CDON: variants seen among roughly 807,000 people sequenced by gnomAD.
CDON encodes cell adhesion associated, oncogene regulated.
In CDON, 73 loss-of-function variants were observed where a neutral mutation model predicts 120.9. The ratio of observed to expected loss-of-function variants is 0.60; its 90% CI spans 0.50 to 0.73. The LOEUF (loss-of-function observed/expected upper bound fraction) is 0.73. CDON is among the 30% of genes least tolerant of loss of function. CDON has a pLI of 0.00. For missense variants in CDON, 1,470 were observed against 1,587.3 expected, an observed-to-expected ratio of 0.93 and a Z score of 1.26; for synonymous variants, 566 against 573.5, an observed-to-expected ratio of 0.99 and a Z score of 0.19.
intron 16 of CDON, among the ~76,000 whole-genome samples, chr11:125,981,537 T>A (rs1465462567): frequency 6.6e-6 from 1 of 152,196 alleles, no homozygotes; most frequent in Non-Finnish European, 1.5e-5. Context: ...AAAACATTTT[T>A]AAAATGTTCA....
Position 126,010,426 on chromosome 11 carries a change from A to T in CDON, c.1467T>A (p.Ala489=), listed in dbSNP as rs1372680069. 2 of 1,614,164 alleles carry T rather than the reference A, an allele frequency of 1.2e-6. No individual in the cohort carries two copies. Among genetic ancestry groups the T allele is most frequent in the Non-Finnish European group, 1.7e-6 (2 of 1,180,004 alleles). The change falls in exon 8 of 20, where the codon GCT becomes GCA. Residue 489 remains alanine (A), a synonymous_variant. Coordinates refer to ENST00000531738, the MANE Select transcript of CDON (RefSeq NM_001378964.1). The part of the protein sequence containing the change: ...QAGASSLHIQ[A]VTQEHAGKYI... ...ATTTCCCCGCATGTTCCTGAGTCAC[A>T]GCCTGAATATGGAGAGAGCTTGCAC...
At chr11:125,997,453 G>A (rs911738140) in intron 11 of CDON, 43 bp from the exon 12 acceptor site, 1 of 1,375,176 alleles carries the variant, frequency 7.3e-7, no homozygotes, top group African/African-American at 1.4e-5. Flanking sequence ...CCATGTCAGA[G>A]ACAAGAATAA....
chr11:125,962,283 G>A (rs1055671226), intron 18 of CDON, among the ~76,000 whole-genome samples: 1 of 152,188 alleles, frequency 6.6e-6, no homozygotes, highest in Admixed American at 6.5e-5. Context: ...ACTGTCAGAA[G>A]TCATCTACTT....
chr11:126,051,390 G>C (rs892757677), intron 1 of CDON, among the ~76,000 whole-genome samples: 2 of 152,070 alleles, frequency 1.3e-5, no homozygotes, highest in South Asian at 4.1e-4. Flanking sequence ...TTTCAAGGAG[G>C]GTGGAATGCA....
intron 1 of CDON, among the ~76,000 whole-genome samples, chr11:126,035,951 C>G (rs1303690292): frequency 1.3e-5 from 2 of 152,148 alleles, no homozygotes; most frequent in Non-Finnish European, 2.9e-5. Context: ...TCTGCTAGGC[C>G]ACACATGCAC....
intron 7 of CDON, chr11:126,010,976 C>A (rs1309998362): frequency 6.1e-6 from 3 of 488,362 alleles, no homozygotes; most frequent in Non-Finnish European, 1.2e-5. Flanking sequence ...TGAAGGTACA[C>A]TACACATATC....
At chr11:126,053,694 G>A (rs767800495) in intron 1 of CDON, among the ~76,000 whole-genome samples, 1 of 150,044 alleles carries the variant, frequency 6.7e-6, no homozygotes, top group Non-Finnish European at 1.5e-5. Context: ...ATACCATATC[G>A]AGCCACATGG....
intron 8 of CDON, among the ~76,000 whole-genome samples, chr11:126,008,887 TCAC>T (rs1947207672): frequency 1.3e-5 from 2 of 152,244 alleles, no homozygotes; most frequent in African/African-American, 2.4e-5. Context: ...CCACAAGAGA[TCAC>T]TGTAATTTAA....
chr11:126,047,551 C>T (rs1043803065), intron 1 of CDON, among the ~76,000 whole-genome samples: 2 of 152,208 alleles, frequency 1.3e-5, no homozygotes, highest in African/African-American at 4.8e-5. Context: ...AACAGAACAA[C>T]AGAACAGCAA....
At position 125,994,292 on chromosome 11, in the gene CDON, A is replaced by G; in HGVS notation, c.2642T>C (p.Val881Ala). 6.3e-7 allele frequency: 1 copy of G among 1,577,892 alleles called. No individual in the cohort carries two copies. The highest frequency in any genetic ancestry group is 8.7e-7 in the Non-Finnish European group (1 of 1,147,372). The change falls in exon 14 of 20, where the codon GTT (valine) becomes GCT (alanine). Residue 881 changes from valine (V) to alanine (A), a missense_variant. Transcript: ENST00000531738. ...SDNDSDYKRD[V>A]VEGSKQWHMI... Reference sequence around the variant, plus strand: ...TGTGCCAGGGGACTTACCTTCTACAACATCCCTCTTGTAATCACTGTCATT... The same window carrying G: ...TGTGCCAGGGGACTTACCTTCTACAGCATCCCTCTTGTAATCACTGTCATT...
At chr11:125,976,827 T>C (rs1038223634) in intron 18 of CDON, among the ~76,000 whole-genome samples, 8 of 152,204 alleles carry the variant, frequency 5.3e-5, no homozygotes, top group African/African-American at 1.9e-4. Context: ...AGGACAATTT[T>C]CCCCTTTTTA....
intron 5 of CDON, 23 bp downstream of exon 5, chr11:126,018,307 C>T: frequency 6.2e-7 from 1 of 1,610,390 alleles, no homozygotes; most frequent in South Asian, 1.1e-5. Context: ...CTTCCAGTTA[C>T]CATTATTCTC....
rs1945541574 is a variant in CDON, at chr11:125,958,387, C to T, written c.*2555G>A. The T allele has an allele frequency of 6.6e-6, 1 of 152,050 alleles. No homozygotes were observed. The highest frequency in any genetic ancestry group is 1.5e-5 in the Non-Finnish European group (1 of 68,024). The allele number at this position is 152,050 out of a possible 1,614,324, so 9.4% of individuals were successfully genotyped here. ...CAAGCACCGAGCACAGTGCCTGGTA[C>T]ACAGTAGTTATTCAGCACGTGTTAG... On this transcript the variant is annotated 3_prime_UTR_variant, in exon 20 of 20. Coordinates refer to ENST00000531738, the MANE Select transcript of CDON (RefSeq NM_001378964.1).
intron 18 of CDON, among the ~76,000 whole-genome samples, chr11:125,967,309 A>G (rs541122742): frequency 3.9e-5 from 6 of 152,372 alleles, no homozygotes; most frequent in Non-Finnish European, 7.3e-5. Flanking sequence ...ATAGAAAATG[A>G]CACACAATAG....
chr11:126,054,010 C>G (rs577879376), intron 1 of CDON, among the ~76,000 whole-genome samples: 5 of 152,274 alleles, frequency 3.3e-5, no homozygotes, highest in African/African-American at 1.2e-4. Context: ...AAGAGACTGC[C>G]AAGTTCTGAT....
intron 11 of CDON, among the ~76,000 whole-genome samples, chr11:125,998,386 G>A (rs536637931): frequency 2.0e-5 from 3 of 152,136 alleles, no homozygotes; most frequent in South Asian, 2.1e-4. Context: ...GCAAGTTCTC[G>A]CTCTGTTGAT....
At chr11:126,051,051 T>C (rs533215787) in intron 1 of CDON, among the ~76,000 whole-genome samples, 6 of 151,656 alleles carry the variant, frequency 4.0e-5, no homozygotes, top group Non-Finnish European at 8.8e-5. Flanking sequence ...CATTTCAACA[T>C]GAAGGAAAAA....
At chr11:125,998,720 T>C (rs1369082752) in intron 11 of CDON, among the ~76,000 whole-genome samples, 2 of 152,234 alleles carry the variant, frequency 1.3e-5, no homozygotes, top group Non-Finnish European at 2.9e-5. Flanking sequence ...CCGGTCTGTA[T>C]GACAGTGACA....
chr11:126,019,636 C>A lies in CDON; in HGVS notation c.479G>T (p.Trp160Leu). 1 of 1,614,144 alleles carries A rather than the reference C, an allele frequency of 6.2e-7. No homozygotes were observed. The change falls in exon 4 of 20, where the codon TGG (tryptophan) becomes TTG (leucine). Residue 160 changes from tryptophan (W) to leucine (L), a missense_variant. Coordinates refer to ENST00000531738, the MANE Select transcript of CDON (RefSeq NM_001378964.1). The part of the protein sequence containing the change: ...AEVRYKIRGK[W>L]LEHSTENYLI... ...GGTCTCACCTGTGGAATGTTCCAGC[C>A]ATTTTCCCCGGATTTTATAGCGCAC...
Sources: gnomAD v4.1 joint callset for allele counts (sites outside exome capture counted in the v4.1 genomes callset) on GRCh38, gnomAD v4.1.1 for gene constraint, MANE v1.5 for transcripts, NCBI Gene and HGNC (gene_info 2026-07-23, HGNC 2026-07-21) for gene names.